The following OPCML variants were observed in gnomAD, a reference collection of about 807,000 sequenced individuals.
The protein encoded by OPCML is opioid binding protein/cell adhesion molecule like.
Under a neutral mutation model 37.8 loss-of-function variants are expected in OPCML, and 13 were observed. The observed-to-expected ratio is 0.34, with a 90% CI of 0.22 to 0.55. The LOEUF is 0.55. Among genes scored for constraint, OPCML ranks in the 20% least tolerant of loss-of-function variants. The pLI is 0.91. For missense variants in OPCML, 341 were observed against 435.6 expected, an observed-to-expected ratio of 0.78 and a Z score of 1.93; for synonymous variants, 176 against 168.8, an observed-to-expected ratio of 1.04 and a Z score of -0.33.
At chr11:133,053,755 C>G (rs1248927199) in intron 1 of OPCML, among the ~76,000 whole-genome samples, 3 of 152,178 alleles carry the variant, frequency 2.0e-5, no homozygotes, top group African/African-American at 7.2e-5. Context: ...CTCTCCCTCC[C>G]TGCCTCATCT....
chr11:133,439,196 T>A lies in OPCML; in HGVS notation c.61+93068A>T, dbSNP rs143025180. ...CCGAAGTGGGGCAGTCTTGTGGGAC[T>A]GAGCCCTTAACCTGCAGGTCCTATG... is the stretch of plus-strand genomic sequence containing the variant. On this transcript the variant is annotated intron_variant, in intron 1 of 7. Transcript: ENST00000524381. The A allele has an allele frequency of 2.5e-5, 19 of 767,970 alleles. No individual in the cohort carries two copies. In the African/African-American group the frequency reaches 3.6e-4, roughly 15 times the overall value. 47.6% of individuals were successfully genotyped at this position (767,970 alleles called of 1,614,324 possible).
intron 2 of OPCML, among the ~76,000 whole-genome samples, chr11:132,821,418 A>G (rs1565888185): frequency 6.6e-6 from 1 of 152,306 alleles, no homozygotes; most frequent in East Asian, 1.9e-4. Context: ...AGAGCCACCT[A>G]TTCTGAAAGA....
In OPCML at chr11:133,003,615, T is replaced by G. The variant is rs1947052854; in HGVS notation, c.62-60605A>C. On this transcript the variant is annotated intron_variant, in intron 1 of 7. Transcript: ENST00000524381. ...AAGTTGGATATTGGCTGGAGAGTACTTTTCAGATGACCACAATATTCTATT... is the reference window on the plus strand; with the variant it reads ...AAGTTGGATATTGGCTGGAGAGTACGTTTCAGATGACCACAATATTCTATT... The G allele has an allele frequency of 4.1e-6, 4 of 983,062 alleles. No homozygotes were observed. The Admixed American group carries it at 2.5e-4, about 60-fold the overall frequency. The allele number at this position is 983,062 out of a possible 1,614,324, so 60.9% of individuals were successfully genotyped here. A position where few individuals can be genotyped will look rare whatever the true frequency, so the allele number is the denominator to read the frequency against.
At chr11:132,822,817 TTAAG>T (rs1940073433) in intron 2 of OPCML, among the ~76,000 whole-genome samples, 1 of 152,210 alleles carries the variant, frequency 6.6e-6, no homozygotes, top group African/African-American at 2.4e-5. Flanking sequence ...GTCTTTGTCA[TTAAG>T]TAGACTGGTT....
At chr11:132,989,124 C>A (rs1394310010) in intron 1 of OPCML, among the ~76,000 whole-genome samples, 1 of 152,170 alleles carries the variant, frequency 6.6e-6, no homozygotes, top group East Asian at 1.9e-4. Flanking sequence ...AGTTTGGCAA[C>A]ACCTTCCATA....
At chr11:132,925,213 C>G (rs1375740170) in intron 2 of OPCML, among the ~76,000 whole-genome samples, 1 of 152,164 alleles carries the variant, frequency 6.6e-6, no homozygotes, top group East Asian at 1.9e-4. Context: ...ACACTGAGCA[C>G]AGTAATTTCA....
rs539088700 is a variant in OPCML, at chr11:132,748,348, C to T, written c.147-91029G>A. Among the ~76,000 whole-genome samples, 9 of 152,220 alleles carry T rather than the reference C, an allele frequency of 5.9e-5. 1 individual carries two copies. Among genetic ancestry groups the T allele is most frequent in the Non-Finnish European group, 1.2e-4 (8 of 68,012 alleles). On this transcript the variant is annotated intron_variant, in intron 2 of 7. Transcript: ENST00000524381. Reference sequence around the variant, plus strand: ...CTCTCACTCATTCACAGATATGTATCGAATGCCCGCTTTCTGTAAGCTCCT... The same window carrying T: ...CTCTCACTCATTCACAGATATGTATTGAATGCCCGCTTTCTGTAAGCTCCT...
chr11:133,133,919 T>C (rs1949643073), intron 1 of OPCML, among the ~76,000 whole-genome samples: 1 of 152,176 alleles, frequency 6.6e-6, no homozygotes, highest in African/African-American at 2.4e-5. Context: ...TTCAAGTTGT[T>C]AATGATTCAA....
At chr11:132,889,325 A>T (rs1943551626) in intron 2 of OPCML, among the ~76,000 whole-genome samples, 1 of 152,202 alleles carries the variant, frequency 6.6e-6, no homozygotes, top group African/African-American at 2.4e-5. Flanking sequence ...TTTCTGTTCA[A>T]ATGTCCATGG....
chr11:133,106,214 G>A (rs114319903), intron 1 of OPCML, among the ~76,000 whole-genome samples: 8 of 152,094 alleles, frequency 5.3e-5, no homozygotes, highest in Admixed American at 6.5e-5. Context: ...AATTTACTTC[G>A]GTCAAAAACT....
rs987120390 is a variant in OPCML, at chr11:132,943,983, C to T, written c.62-973G>A. ...CCCTGACCGCCACTTTCTCCCGGTG[C>T]CGCCTCGGAGCGAGCGGGCTGGCGG... is the stretch of plus-strand genomic sequence containing the variant. On this transcript the variant is annotated intron_variant, in intron 1 of 7. Coordinates refer to ENST00000524381, the MANE Select transcript of OPCML (RefSeq NM_001012393.5). The surrounding 1 kb of genome is among the most constrained non-coding windows in gnomAD (Gnocchi z 4.3). Among the ~76,000 whole-genome samples the T allele has an allele frequency of 6.6e-6, 1 of 151,868 alleles. No homozygotes were observed. Among genetic ancestry groups the T allele is most frequent in the Admixed American group, 6.6e-5 (1 of 15,262 alleles).
At chr11:132,826,095 T>C (rs1345115345) in intron 2 of OPCML, among the ~76,000 whole-genome samples, 1 of 152,220 alleles carries the variant, frequency 6.6e-6, no homozygotes, top group African/African-American at 2.4e-5. Context: ...GTATGTCCTG[T>C]CCATCTCTGT....
intron 2 of OPCML, among the ~76,000 whole-genome samples, chr11:132,807,607 C>T (rs1336272337): frequency 1.3e-5 from 2 of 152,196 alleles, no homozygotes; most frequent in Admixed American, 1.3e-4. Flanking sequence ...GTGGATTCCT[C>T]TCCCTCCATC....
At position 132,418,224 on chromosome 11, in the gene OPCML, G is replaced by A. The variant is rs575383096; in HGVS notation, c.*1969C>T. The A allele has an allele frequency of 6.6e-6, 1 of 152,324 alleles. No individual in the cohort carries two copies. The highest frequency in any genetic ancestry group is 2.4e-5 in the African/African-American group (1 of 41,566). The allele number at this position is 152,324 out of a possible 1,614,324, so 9.4% of individuals were successfully genotyped here. A position where few individuals can be genotyped will look rare whatever the true frequency, so the allele number is the denominator to read the frequency against. ...TTTTTATTTTTTAGACTGAGGGCCT[G>A]AAAAGGTTTTCCAACTGAGGCAGGG... is the stretch of plus-strand genomic sequence containing the variant. On this transcript the variant is annotated 3_prime_UTR_variant, in exon 8 of 8. Transcript: ENST00000524381.
At chr11:132,878,101 G>C (rs1405444112) in intron 2 of OPCML, among the ~76,000 whole-genome samples, 1 of 151,850 alleles carries the variant, frequency 6.6e-6, no homozygotes, top group African/African-American at 2.4e-5. Context: ...AGAATCGCTT[G>C]AACCCAGGAG....
At chr11:133,244,175 A>G (rs542158777) in intron 1 of OPCML, among the ~76,000 whole-genome samples, 2 of 152,304 alleles carry the variant, frequency 1.3e-5, no homozygotes, top group South Asian at 2.1e-4. Flanking sequence ...GCATCAGACT[A>G]TCCGGCTTGG....
intron 4 of OPCML, among the ~76,000 whole-genome samples, chr11:132,521,559 A>G (rs533718727): frequency 6.6e-6 from 1 of 151,922 alleles, no homozygotes; most frequent in Non-Finnish European, 1.5e-5. Flanking sequence ...CAAATACTGC[A>G]TGTTCTCTGG....
At chr11:133,067,251 CTG>C (rs1948455501) in intron 1 of OPCML, 1 of 152,174 alleles carries the variant, frequency 6.6e-6, no homozygotes, top group Non-Finnish European at 1.5e-5. Flanking sequence ...GATGAAGTCA[CTG>C]TCATTTGCTC....
chr11:132,751,275 C>T (rs576458540), intron 2 of OPCML, among the ~76,000 whole-genome samples: 1 of 152,248 alleles, frequency 6.6e-6, no homozygotes, highest in African/African-American at 2.4e-5. Context: ...GGTGTCCACT[C>T]CTCCAGCGGT....
Sources: gnomAD v4.1 joint callset for allele counts (sites outside exome capture counted in the v4.1 genomes callset) on GRCh38, gnomAD v4.1.1 for gene constraint, Gnocchi (gnomAD v3.1) non-coding constraint, MANE v1.5 for transcripts, NCBI Gene and HGNC (gene_info 2026-07-23, HGNC 2026-07-21) for gene names.